The following TMEM131 variants were observed in gnomAD, a reference collection of about 807,000 sequenced individuals.
TMEM131 encodes the protein transmembrane protein 131, also known as 2610524E03Rik.
TMEM131 carries 66 observed loss-of-function variants against 211.6 expected under a neutral mutation model. The observed-to-expected ratio is 0.31, with a 90% CI of 0.26 to 0.38. The LOEUF (loss-of-function observed/expected upper bound fraction) is 0.38, where lower values mean the gene tolerates loss of function less well. Among genes scored for constraint, TMEM131 ranks in the 10% least tolerant of loss-of-function variants. TMEM131 has a pLI of 1.00. For synonymous variants in TMEM131, 844 were observed against 841.3 expected, an observed-to-expected ratio of 1.00 and a Z score of -0.06; for missense variants, 2,036 against 2,299.3, an observed-to-expected ratio of 0.89 and a Z score of 2.34.
intron 2 of TMEM131, among the ~76,000 whole-genome samples, chr2:97,920,577 G>A (rs916930210): frequency 6.6e-6 from 1 of 152,150 alleles, no homozygotes; most frequent in Non-Finnish European, 1.5e-5. Flanking sequence ...GAATCAATAA[G>A]TAATTTAGCA....
At chr2:97,991,903 G>A (rs112729768) in intron 1 of TMEM131, among the ~76,000 whole-genome samples, 4 of 152,328 alleles carry the variant, frequency 2.6e-5, no homozygotes, top group African/African-American at 7.2e-5. Context: ...CTTGTTGGCA[G>A]ATGTCTATGA....
chr2:97,760,750 C>T (rs772082488), intron 37 of TMEM131, 43 bp downstream of exon 37: 1 of 1,613,826 alleles, frequency 6.2e-7, no homozygotes, highest in Non-Finnish European at 8.5e-7. Context: ...TTCCACCAGG[C>T]CTGGCGCCTG....
chr2:97,899,760 T>C (rs1303005464), intron 3 of TMEM131, among the ~76,000 whole-genome samples: 2 of 152,142 alleles, frequency 1.3e-5, no homozygotes, highest in African/African-American at 4.8e-5. Flanking sequence ...TATCTATCCC[T>C]TTCCCTATTT....
chr2:97,872,954 G>C (rs1349099681), intron 4 of TMEM131, among the ~76,000 whole-genome samples: 1 of 152,196 alleles, frequency 6.6e-6, no homozygotes, highest in Non-Finnish European at 1.5e-5. Context: ...GGCTCAGTGG[G>C]TCCCACCCCC....
chr2:97,937,442 G>A (rs969676714), intron 1 of TMEM131, among the ~76,000 whole-genome samples: 1 of 152,028 alleles, frequency 6.6e-6, no homozygotes, highest in Admixed American at 6.6e-5. Flanking sequence ...CTGTACAACA[G>A]GAGTCTCAGA....
chr2:97,977,199 T>G (rs766798898), intron 1 of TMEM131, among the ~76,000 whole-genome samples: 2 of 152,200 alleles, frequency 1.3e-5, no homozygotes, highest in Admixed American at 6.5e-5. Context: ...CTTCTGCTCT[T>G]CAAAAGACTG....
At chr2:97,859,524 T>A in intron 4 of TMEM131, 97 bp from the exon 5 acceptor site, 1 of 964,626 alleles carries the variant, frequency 1.0e-6, no homozygotes, top group Non-Finnish European at 1.5e-6. Flanking sequence ...GACAAATACA[T>A]AGCTAAATAT....
At chr2:97,821,307 A>C (rs1409249507) in intron 11 of TMEM131, among the ~76,000 whole-genome samples, 3 of 152,186 alleles carry the variant, frequency 2.0e-5, no homozygotes, top group Non-Finnish European at 2.9e-5. Context: ...TAGCTAAAGG[A>C]CTGTAAATGC....
At chr2:97,797,770 A>G (rs1680834430) in intron 25 of TMEM131, among the ~76,000 whole-genome samples, 1 of 152,278 alleles carries the variant, frequency 6.6e-6, no homozygotes, top group Non-Finnish European at 1.5e-5. Context: ...CAATGTTTGC[A>G]CAAGGCATTT....
intron 31 of TMEM131, among the ~76,000 whole-genome samples, chr2:97,790,133 G>T (rs150081938): frequency 6.6e-6 from 1 of 152,292 alleles, no homozygotes; most frequent in Non-Finnish European, 1.5e-5. Flanking sequence ...ATGTAAATCT[G>T]CTATTTGCAG....
intron 1 of TMEM131, among the ~76,000 whole-genome samples, chr2:97,971,815 T>A (rs929115371): frequency 2.0e-5 from 3 of 151,958 alleles, no homozygotes; most frequent in Non-Finnish European, 2.9e-5. Context: ...TGAGCTGCCA[T>A]CACACCACTA....
chr2:97,838,101 C>T (rs1353267341), intron 7 of TMEM131, among the ~76,000 whole-genome samples: 2 of 152,194 alleles, frequency 1.3e-5, no homozygotes, highest in African/African-American at 2.4e-5. Flanking sequence ...TCAATCCACA[C>T]ATTAATGGGA....
intron 11 of TMEM131, 49 bp from the exon 12 acceptor site, chr2:97,818,770 T>G: frequency 2.4e-6 from 3 of 1,237,364 alleles, no homozygotes; most frequent in Non-Finnish European, 3.5e-6. Flanking sequence ...AGACTAATGG[T>G]TCAGTTGCCT....
chr2:97,879,596 A>C (rs182721435), intron 4 of TMEM131, among the ~76,000 whole-genome samples: 6 of 152,258 alleles, frequency 3.9e-5, no homozygotes, highest in Admixed American at 3.9e-4. Flanking sequence ...GAGGGTCCAC[A>C]CGGATTTTCT....
intron 3 of TMEM131, among the ~76,000 whole-genome samples, chr2:97,906,371 C>G (rs1442633018): frequency 6.6e-6 from 1 of 152,196 alleles, no homozygotes; most frequent in African/African-American, 2.4e-5. Context: ...CACACACACA[C>G]AAAATGTAAA....
At chr2:97,863,598 T>G (rs1189391716) in intron 4 of TMEM131, among the ~76,000 whole-genome samples, 1 of 152,148 alleles carries the variant, frequency 6.6e-6, no homozygotes, top group Non-Finnish European at 1.5e-5. Context: ...AGTATCTGAA[T>G]AGGTATTTCT....
At chr2:97,815,341 CT>C in intron 12 of TMEM131, 34 bp from the exon 13 acceptor site, 1 of 1,305,380 alleles carries the variant, frequency 7.7e-7, no homozygotes, top group Non-Finnish European at 1.0e-6. Context: ...TCTCTGTTAC[CT>C]TTTACTACCA....
chr2:97,921,667 A>T (rs1676745618), intron 2 of TMEM131, among the ~76,000 whole-genome samples: 1 of 152,228 alleles, frequency 6.6e-6, no homozygotes, highest in Non-Finnish European at 1.5e-5. Flanking sequence ...TCCAGGAAAG[A>T]TCTTGTATTC....
At chr2:97,824,410 C>T (rs145142297) in intron 11 of TMEM131, among the ~76,000 whole-genome samples, 1,832 of 152,296 alleles carry the variant, frequency 0.012, 40 homozygotes, top group African/African-American at 0.041. Flanking sequence ...CTGTCCTGGA[C>T]GACGGTCCTC....
Sources: allele counts gnomAD v4.1 joint callset (sites outside exome capture counted in the v4.1 genomes callset), GRCh38; gene constraint gnomAD v4.1.1; transcripts MANE v1.5; gene names NCBI Gene and HGNC (gene_info 2026-07-23, HGNC 2026-07-21).